SHISA4: variants seen among roughly 807,000 people sequenced by gnomAD.
SHISA4 encodes the protein protein shisa-4.
SHISA4 carries 16 observed loss-of-function variants against 24.2 expected under a neutral mutation model. The ratio of observed to expected loss-of-function variants is 0.66; its 90% CI spans 0.45 to 1.00. The LOEUF is 1.00. Among genes scored for constraint, SHISA4 ranks in the 50% least tolerant of loss-of-function variants. SHISA4 has a pLI of 0.00. For missense variants in SHISA4, 238 were observed against 258.9 expected (o/e 0.92, Z 0.55); for synonymous variants, 106 against 105.4 (o/e 1.01, Z -0.04).
chr1:201,889,053 T>C lies in SHISA4; in HGVS notation c.59T>C (p.Leu20Pro). 1.4e-6 allele frequency: 2 copies of C among 1,390,620 alleles called. No homozygotes were observed. Among genetic ancestry groups the C allele is most frequent in the South Asian group, 1.7e-5 (1 of 57,992 alleles). The allele number at this position is 1,390,620 out of a possible 1,614,324, so 86.1% of individuals were successfully genotyped here. A position where few individuals can be genotyped will look rare whatever the true frequency, so the allele number is the denominator to read the frequency against. Residue 20 changes from leucine to proline, a missense_variant, in exon 1 of 5, where the codon CTG becomes CCG. Leu to Pro is a moderately conservative substitution (Grantham distance 98). Coordinates refer to ENST00000362011, the MANE Select transcript of SHISA4 (RefSeq NM_198149.3). ...APLTAIALLV[L>P]GAPLVLAGED... The stretch of plus-strand genomic sequence containing the variant: ...CTCACCGCAATCGCTCTGTTGGTGC[T>C]GGGGGCTCCCCTGGGTAAGGGGATG...
rs573060903 is a variant in SHISA4 at position 201,889,137 on chromosome 1, G to A, written c.73+70G>A. 6.7e-6 allele frequency: 9 copies of A among 1,343,688 alleles called. No individual in the cohort carries two copies. In the South Asian group the frequency reaches 7.9e-5, roughly 12 times the overall value. The allele number at this position is 1,343,688 out of a possible 1,614,324, so 83.2% of individuals were successfully genotyped here. On this transcript the variant is annotated intron_variant, in intron 1 of 4. Coordinates refer to ENST00000362011, the MANE Select transcript of SHISA4 (RefSeq NM_198149.3). ...AGGAAGGGGAGGGACCGATCCGAGG[G>A]GCTTGGGCTCGGGGCTTCTCCGAGA...
chr1:201,891,638 CT>C, intron 4 of SHISA4, 70 bp downstream of exon 4: 1 of 1,543,040 alleles, frequency 6.5e-7, no homozygotes, highest in Non-Finnish European at 8.9e-7. Context: ...TCCCCTGTGC[CT>C]CTCTCATTCT....
At chr1:201,889,679 C>G in intron 2 of SHISA4, 63 bp downstream of exon 2, 1 of 1,575,908 alleles carries the variant, frequency 6.3e-7, no homozygotes, top group East Asian at 2.2e-5. Flanking sequence ...GCCTCCTCTT[C>G]CTCCCTCCCG....
chr1:201,889,110 G>C, intron 1 of SHISA4, 43 bp downstream of exon 1: 1 of 1,365,948 alleles, frequency 7.3e-7, no homozygotes, highest in East Asian at 2.8e-5. Context: ...GGATGGGGGC[G>C]GAGGAAGGGG....
In SHISA4 at chr1:201,891,478, C is replaced by T. The variant is rs1283894713; in HGVS notation, c.457C>T (p.Pro153Ser). 4.3e-6 allele frequency: 7 copies of T among 1,613,686 alleles called. No homozygotes were observed. The highest frequency in any genetic ancestry group is 2.2e-5 in the South Asian group (2 of 91,080). ...CCAGGACCCCAAAGCTGGCCCTGCA[C>T]CCCCACAGCCTGGCTTCATATACCC... Reference protein sequence around the residue: ...YPQDPKAGPAPPQPGFIYPPS... With the variant: ...YPQDPKAGPASPQPGFIYPPS... The change falls in exon 4 of 5, where the codon CCC (proline) becomes TCC (serine). Residue 153 changes from proline to serine, a missense_variant. Coordinates refer to ENST00000362011, the MANE Select transcript of SHISA4 (RefSeq NM_198149.3).
rs1571568791 is a variant in SHISA4, at chr1:201,892,108, T to C, written c.*262T>C. 3 of 480,046 alleles carry C rather than the reference T, an allele frequency of 6.2e-6. No individual in the cohort carries two copies. Among genetic ancestry groups the C allele is most frequent in the African/African-American group, 6.1e-5 (3 of 49,180 alleles). The allele number at this position is 480,046 out of a possible 1,614,324, so 29.7% of individuals were successfully genotyped here. A position where few individuals can be genotyped will look rare whatever the true frequency, so the allele number is the denominator to read the frequency against. The stretch of plus-strand genomic sequence containing the variant: ...CAAGGGAGGGAGATGACAGCCTGGG[T>C]CACAGTGCCTGTTTTCAAATAGTCC... On this transcript the variant is annotated 3_prime_UTR_variant, in exon 5 of 5. Coordinates refer to ENST00000362011, the MANE Select transcript of SHISA4 (RefSeq NM_198149.3).
At chr1:201,890,202 T>C (rs1452038129) in intron 2 of SHISA4, among the ~76,000 whole-genome samples, 1 of 152,218 alleles carries the variant, frequency 6.6e-6, no homozygotes, top group African/African-American at 2.4e-5. Flanking sequence ...ATTTAAGTTG[T>C]AGATATAAAA....
In SHISA4 at chr1:201,889,381, G is replaced by A. The variant is rs1681048531; in HGVS notation, c.74-64G>A. On this transcript the variant is annotated intron_variant, in intron 1 of 4. Transcript: ENST00000362011. ...GGCTGGGGACCGCCGGGGGAGTGGGGCCGAGCGCGGCTGGGGATGAACTGG... is the reference window on the plus strand; with the variant it reads ...GGCTGGGGACCGCCGGGGGAGTGGGACCGAGCGCGGCTGGGGATGAACTGG... 6 of 1,592,486 alleles carry A rather than the reference G, an allele frequency of 3.8e-6. No homozygotes were observed. In the African/African-American group the frequency reaches 8.0e-5, roughly 21 times the overall value.
In SHISA4 at chr1:201,891,412, C is replaced by T; in HGVS notation, c.391C>T (p.Pro131Ser). ...LQSPFEGQEIPMTGIPVQPVY... is the reference protein window; with the variant it reads ...LQSPFEGQEISMTGIPVQPVY... ...TCTCCCCCATCTAGGCCAGGAGATT[C>T]CAATGACAGGCATCCCAGTGCAGCC... The change falls in exon 4 of 5, where the codon CCA becomes TCA. Residue 131 changes from proline (P) to serine (S), a missense_variant. By Grantham distance (74) the Pro-to-Ser change is moderately conservative. Coordinates refer to ENST00000362011, the MANE Select transcript of SHISA4 (RefSeq NM_198149.3). 1 of 1,613,912 alleles carries T rather than the reference C, an allele frequency of 6.2e-7. No homozygotes were observed. Among genetic ancestry groups the T allele is most frequent in the Non-Finnish European group, 8.5e-7 (1 of 1,179,902 alleles).
At chr1:201,891,693 T>TC in intron 4 of SHISA4, 107 bp from the exon 5 acceptor site, 1 of 1,550,108 alleles carries the variant, frequency 6.5e-7, no homozygotes. Flanking sequence ...GCCCGAAACC[T>TC]CCAGGCCCAC....
At chr1:201,888,815 T>C (rs951845292), upstream of SHISA4, 1 of 391,214 alleles carries the variant, frequency 2.6e-6, no homozygotes, top group Admixed American at 4.5e-5. Context: ...TCCTGGGCGC[T>C]GCGCGGAGCC....
chr1:201,892,024 A>G lies in SHISA4; in HGVS notation c.*178A>G, dbSNP rs1332675781. ...CCCAGGGAAGTGGAACAGGAGCTGA[A>G]CTAGAACTATGAGGGGTTGGGGGGA... On this transcript the variant is annotated 3_prime_UTR_variant, in exon 5 of 5. Coordinates refer to ENST00000362011, the MANE Select transcript of SHISA4 (RefSeq NM_198149.3). The G allele has an allele frequency of 3.1e-5, 21 of 685,828 alleles. No homozygotes were observed. 42.5% of individuals were successfully genotyped at this position (685,828 alleles called of 1,614,324 possible).
chr1:201,889,746 GA>G, intron 2 of SHISA4, 130 bp downstream of exon 2: 1 of 1,125,602 alleles, frequency 8.9e-7, no homozygotes, highest in Non-Finnish European at 1.3e-6. Flanking sequence ...GAGTCACCAG[GA>G]CTCAAGCCTG....
Position 201,888,929 on chromosome 1 carries a change from C to A in SHISA4, c.-66C>A, listed in dbSNP as rs949356660. On this transcript the variant is annotated 5_prime_UTR_variant, in exon 1 of 5. It adds an upstream start codon to the 5' untranslated region. Transcript: ENST00000362011. Reference sequence around the variant, plus strand: ...GGGCTGGGCCCCGCCGCAGCTCCAGCTGGCCGGCTTGGTCCTGCGGTCCCT... The same window carrying A: ...GGGCTGGGCCCCGCCGCAGCTCCAGATGGCCGGCTTGGTCCTGCGGTCCCT... The A allele has an allele frequency of 1.5e-5, 17 of 1,153,410 alleles. No homozygotes were observed. Among genetic ancestry groups the A allele is most frequent in the South Asian group, 2.7e-5 (1 of 36,532 alleles). The allele number at this position is 1,153,410 out of a possible 1,614,324, so 71.4% of individuals were successfully genotyped here.
chr1:201,891,477 A>AC lies in SHISA4; in HGVS notation c.461dup (p.Gln155ThrfsTer9). On this transcript the variant is annotated frameshift_variant, in exon 4 of 5. Coordinates refer to ENST00000362011, the MANE Select transcript of SHISA4 (RefSeq NM_198149.3). LOFTEE classifies it high-confidence loss of function. ...CCCAGGACCCCAAAGCTGGCCCTGC[A>AC]CCCCCACAGCCTGGCTTCATATACC... 6.2e-7 allele frequency: 1 copy of AC among 1,613,036 alleles called. No homozygotes were observed.
Position 201,891,879 on chromosome 1 carries a change from G to A in SHISA4, c.*33G>A. On this transcript the variant is annotated 3_prime_UTR_variant, in exon 5 of 5. Transcript: ENST00000362011. ...GCCATGTCTCTGCTGCCCCTTCAGT[G>A]ATGCCAACCTTGGGAGATGCCCTCA... The A allele has an allele frequency of 1.2e-6, 2 of 1,612,682 alleles. No homozygotes were observed. Among genetic ancestry groups the A allele is most frequent in the Non-Finnish European group, 1.7e-6 (2 of 1,178,776 alleles).
At position 201,889,194 on chromosome 1, in the gene SHISA4, G is replaced by T. The variant is rs560266199; in HGVS notation, c.73+127G>T. Reference sequence around the variant, plus strand: ...GGCTGCCACGGGAGCCTTGGGTGTTGCTGGGTCCTCAAGAAGCGGGAAGAG... The same window carrying T: ...GGCTGCCACGGGAGCCTTGGGTGTTTCTGGGTCCTCAAGAAGCGGGAAGAG... On this transcript the variant is annotated intron_variant, in intron 1 of 4. Coordinates refer to ENST00000362011, the MANE Select transcript of SHISA4 (RefSeq NM_198149.3). 1,763 of 1,018,876 alleles carry T rather than the reference G, an allele frequency of 1.7e-3. 3 individuals carry two copies. The highest frequency in any genetic ancestry group is 2.2e-3 in the Non-Finnish European group (1,544 of 712,956). 63.1% of individuals were successfully genotyped at this position (1,018,876 alleles called of 1,614,324 possible).
At chr1:201,891,670 TC>T in intron 4 of SHISA4, 102 bp downstream of exon 4, 1 of 1,534,592 alleles carries the variant, frequency 6.5e-7, no homozygotes, top group Non-Finnish European at 9.0e-7. Flanking sequence ...CTCCCAGACT[TC>T]CTCCACCTCT....
intron 3 of SHISA4, 114 bp downstream of exon 3, chr1:201,890,701 C>T: frequency 7.3e-7 from 1 of 1,368,110 alleles, no homozygotes; most frequent in Middle Eastern, 2.0e-4. Flanking sequence ...CTTCTGTATA[C>T]ACACACCTGC....
Sources: allele counts gnomAD v4.1 joint callset (sites outside exome capture counted in the v4.1 genomes callset), GRCh38; gene constraint gnomAD v4.1.1; transcripts MANE v1.5; gene names NCBI Gene and HGNC (gene_info 2026-07-23, HGNC 2026-07-21).